Variants in GALNT14 observed in about 807,000 individuals in gnomAD.
The protein encoded by GALNT14 is UDP-GalNAc:polypeptide N-acetylgalactosaminyltransferase 14.
A neutral mutation model predicts 77.5 loss-of-function variants in GALNT14; 60 were observed. The ratio of observed to expected loss-of-function variants is 0.77; its 90% CI spans 0.63 to 0.96. The LOEUF (loss-of-function observed/expected upper bound fraction) is 0.96. Among genes scored for constraint, GALNT14 ranks in the 40% least tolerant of loss-of-function variants. The probability of loss-of-function intolerance (pLI) is 0.00; values close to 1 mark genes in which losing one functional copy is unlikely to be tolerated. For missense variants in GALNT14, 710 were observed against 731.0 expected, an observed-to-expected ratio of 0.97 and a Z score of 0.33; for synonymous variants, 280 against 281.7, an observed-to-expected ratio of 0.99 and a Z score of 0.06.
chr2:31,028,152 A>G (rs986936342), intron 1 of GALNT14, among the ~76,000 whole-genome samples: 3 of 152,070 alleles, frequency 2.0e-5, no homozygotes, highest in Non-Finnish European at 2.9e-5. Flanking sequence ...CCTGCTCCTC[A>G]GTGCAGGAAG....
intron 1 of GALNT14, among the ~76,000 whole-genome samples, chr2:31,071,235 C>G (rs894607089): frequency 6.6e-6 from 1 of 151,994 alleles, no homozygotes; most frequent in African/African-American, 2.4e-5. Flanking sequence ...ACCAGTTCCC[C>G]CAAAACCTGT....
intron 1 of GALNT14, among the ~76,000 whole-genome samples, chr2:31,110,561 C>T (rs1179076855): frequency 2.0e-5 from 3 of 152,158 alleles, no homozygotes; most frequent in African/African-American, 4.8e-5. Flanking sequence ...AAGAGAATGG[C>T]AGCAAATGGG....
downstream of GALNT14, among the ~76,000 whole-genome samples, chr2:30,905,613 T>C (rs1664121240): frequency 6.6e-6 from 1 of 151,940 alleles, no homozygotes; most frequent in South Asian, 2.1e-4. Context: ...ACAGGGAGAA[T>C]GGAACCAAGT....
chr2:30,901,195 G>C, the GALNT14 span, among the ~76,000 whole-genome samples: 2 of 152,154 alleles, frequency 1.3e-5, no homozygotes, highest in African/African-American at 4.8e-5. Flanking sequence ...GATACCTAGA[G>C]GAAGAAACTC....
rs1304912545 is a variant in GALNT14 at position 31,076,624 on chromosome 2, TATA to T, written c.129+61331_129+61333del. Among the ~76,000 whole-genome samples the T allele has an allele frequency of 8.4e-5, 10 of 119,020 alleles. No homozygotes were observed. In the South Asian group the frequency reaches 9.9e-4, roughly 12 times the overall value. 78.1% of individuals were successfully genotyped at this position (119,020 alleles called of 152,430 possible). On this transcript the variant is annotated intron_variant, in intron 1 of 14. Coordinates refer to ENST00000349752, the MANE Select transcript of GALNT14 (RefSeq NM_024572.4). ...AGGGGTGTGTATACATATATATATA[TATA>T]TATTTTTTTTTTTTTTACATGTACA...
In GALNT14 at chr2:30,955,735, C is replaced by A. The variant is rs767917819; in HGVS notation, c.537G>T (p.Leu179=). ...CAGCGCCCCGAATCCGGGACCGGACCAGACCTGCAGTCAGGAACAAATGAC... is the reference window on the plus strand; with the variant it reads ...CAGCGCCCCGAATCCGGGACCGGACAAGACCTGCAGTCAGGAACAAATGAC... ...KCLRNNERQG[L]VRSRIRGADI... The change falls in exon 6 of 15, where the codon CTG becomes CTT. Residue 179 remains leucine (L), a synonymous_variant. Coordinates refer to ENST00000349752, the MANE Select transcript of GALNT14 (RefSeq NM_024572.4). 2 of 1,613,978 alleles carry A rather than the reference C, an allele frequency of 1.2e-6. No individual in the cohort carries two copies. Among genetic ancestry groups the A allele is most frequent in the Non-Finnish European group, 1.7e-6 (2 of 1,180,038 alleles).
At chr2:31,083,554 G>T (rs916228386) in intron 1 of GALNT14, among the ~76,000 whole-genome samples, 2 of 152,164 alleles carry the variant, frequency 1.3e-5, no homozygotes, top group African/African-American at 4.8e-5. Context: ...GAGCTCAAAG[G>T]TCCCATCCTT....
intron 1 of GALNT14, among the ~76,000 whole-genome samples, chr2:31,131,404 A>G (rs6543605): frequency 0.36 from 55,078 of 151,934 alleles, 10,605 homozygotes; most frequent in African/African-American, 0.51. Context: ...CTACGATTCT[A>G]GGTCTCTGGG....
chr2:31,007,468 A>G (rs1457344816), intron 1 of GALNT14, among the ~76,000 whole-genome samples: 1 of 152,226 alleles, frequency 6.6e-6, no homozygotes, highest in Non-Finnish European at 1.5e-5. Flanking sequence ...TTGTCCATTC[A>G]TCAAAGCACT....
intron 1 of GALNT14, among the ~76,000 whole-genome samples, chr2:31,053,473 A>C (rs79299905): frequency 0.035 from 5,255 of 150,798 alleles, 301 homozygotes; most frequent in African/African-American, 0.12. Flanking sequence ...CCCGTCCTAC[A>C]CAGCTCCAAC....
intron 3 of GALNT14, among the ~76,000 whole-genome samples, chr2:30,964,405 C>T (rs1023001266): frequency 4.6e-5 from 7 of 152,224 alleles, no homozygotes; most frequent in African/African-American, 7.2e-5. Context: ...CCTCCCCTCA[C>T]CACAGGAGAC....
intron 1 of GALNT14, among the ~76,000 whole-genome samples, chr2:31,075,247 A>G (rs1232619797): frequency 6.6e-6 from 1 of 152,240 alleles, no homozygotes; most frequent in Non-Finnish European, 1.5e-5. Context: ...CGCCTGAAGT[A>G]GATGCCAGCA....
At chr2:31,028,488 C>G (rs1448662324) in intron 1 of GALNT14, among the ~76,000 whole-genome samples, 1 of 152,254 alleles carries the variant, frequency 6.6e-6, no homozygotes. Context: ...CTGCCCTCCA[C>G]CAGGTCCGGT....
chr2:30,918,906 G>A (rs1272888720), intron 13 of GALNT14, among the ~76,000 whole-genome samples: 2 of 151,924 alleles, frequency 1.3e-5, no homozygotes, highest in East Asian at 1.9e-4. Flanking sequence ...AGGGAGGGTG[G>A]TGTGCAGGCA....
At chr2:30,898,341 C>G in the GALNT14 span, among the ~76,000 whole-genome samples, 1 of 152,328 alleles carries the variant, frequency 6.6e-6, no homozygotes, top group African/African-American at 2.4e-5. Context: ...GGGGTCATCC[C>G]TCGACACTCA....
chr2:30,945,521 C>T (rs1394624860), intron 7 of GALNT14, among the ~76,000 whole-genome samples: 2 of 152,190 alleles, frequency 1.3e-5, no homozygotes, highest in Non-Finnish European at 2.9e-5. Flanking sequence ...ATCCTTGCTC[C>T]CATCACATTT....
intron 1 of GALNT14, among the ~76,000 whole-genome samples, chr2:31,060,824 T>C (rs1031299781): frequency 6.6e-6 from 1 of 152,136 alleles, no homozygotes; most frequent in Non-Finnish European, 1.5e-5. Context: ...TTGTCCTTCA[T>C]CTTGCCAGTG....
At chr2:31,076,587 G>A (rs915114342) in intron 1 of GALNT14, among the ~76,000 whole-genome samples, 7 of 150,106 alleles carry the variant, frequency 4.7e-5, no homozygotes, top group Non-Finnish European at 4.4e-5. Context: ...AAACGCAAAA[G>A]GAGCACTAGA....
chr2:31,071,909 A>G (rs1400240074), intron 1 of GALNT14, among the ~76,000 whole-genome samples: 2 of 152,190 alleles, frequency 1.3e-5, no homozygotes, highest in African/African-American at 2.4e-5. Context: ...GCCCCCATGC[A>G]ACTGCGCAGC....
Sources: allele counts gnomAD v4.1 joint callset (sites outside exome capture counted in the v4.1 genomes callset), GRCh38; gene constraint gnomAD v4.1.1; transcripts MANE v1.5; gene names NCBI Gene and HGNC (gene_info 2026-07-23, HGNC 2026-07-21).